The following UBE2V2 variants were observed in gnomAD, a reference collection of about 807,000 sequenced individuals.
The protein encoded by UBE2V2 is ubiquitin conjugating enzyme E2 V2.
A neutral mutation model predicts 17.2 loss-of-function variants in UBE2V2; 9 were observed. The ratio of observed to expected loss-of-function variants is 0.52; its 90% CI spans 0.32 to 0.91. The LOEUF is 0.91. Among genes scored for constraint, UBE2V2 ranks in the 40% least tolerant of loss-of-function variants. UBE2V2 has a pLI of 0.04. For missense variants in UBE2V2, 133 were observed against 182.6 expected (o/e 0.73, Z 1.56); for synonymous variants, 61 against 57.5 (o/e 1.06, Z -0.28).
Position 48,060,675 on chromosome 8 carries a change from CT to C in UBE2V2, c.292-4del. 1.4e-6 allele frequency: 2 copies of C among 1,478,402 alleles called. No homozygotes were observed. Among genetic ancestry groups the C allele is most frequent in the Non-Finnish European group, 9.0e-7 (1 of 1,114,496 alleles). 91.6% of individuals were successfully genotyped at this position (1,478,402 alleles called of 1,614,324 possible). On this transcript the variant is annotated splice_region_variant and splice_polypyrimidine_tract_variant and intron_variant, in intron 3 of 3. Coordinates refer to ENST00000523111, the MANE Select transcript of UBE2V2 (RefSeq NM_003350.3). ...CTAGTTAACTGTACTCTTTCCTCCC[CT>C]TTCAGGTGGATGCCCGGAGCATACC...
chr8:48,038,071 A>G (rs1466084598), intron 1 of UBE2V2, among the ~76,000 whole-genome samples: 1 of 151,706 alleles, frequency 6.6e-6, no homozygotes, highest in Non-Finnish European at 1.5e-5. Context: ...TGTCCTCCCC[A>G]CGCCTTTTTT....
chr8:48,050,840 T>G lies in UBE2V2; in HGVS notation c.291+862T>G, dbSNP rs1012696504. Among the ~76,000 whole-genome samples the G allele has an allele frequency of 9.2e-4, 140 of 152,134 alleles. 7 individuals are homozygous for G. The highest frequency in any genetic ancestry group is 7.4e-5 in the Non-Finnish European group (5 of 68,024). On this transcript the variant is annotated intron_variant, in intron 3 of 3. Transcript: ENST00000523111. ...TTTTTCTTTAAAGAGCAAATATGTC[T>G]GTGTTGAAACAGTCATGGCTGAGCA...
chr8:47,998,498 G>C, the UBE2V2 span, among the ~76,000 whole-genome samples: 1 of 151,970 alleles, frequency 6.6e-6, no homozygotes, highest in Non-Finnish European at 1.5e-5. Flanking sequence ...TGGAAACTGA[G>C]AGACAGGCGG....
chr8:48,034,401 A>C (rs995230515), intron 1 of UBE2V2, among the ~76,000 whole-genome samples: 1 of 152,208 alleles, frequency 6.6e-6, no homozygotes, highest in African/African-American at 2.4e-5. Flanking sequence ...CTGGGATTAC[A>C]GGCGTGAGCC....
intron 1 of UBE2V2, among the ~76,000 whole-genome samples, chr8:48,031,892 C>T (rs985703080): frequency 1.4e-4 from 22 of 152,110 alleles, no homozygotes; most frequent in South Asian, 1.0e-3. Flanking sequence ...ATGATCCACC[C>T]GCCTTGGCCT....
rs1179934700 is a variant in UBE2V2, at chr8:48,014,644, CAAA to C, written c.16+6192_16+6194del. Among the ~76,000 whole-genome samples the C allele has an allele frequency of 6.5e-4, 47 of 72,076 alleles. 1 individual carries two copies. The highest frequency in any genetic ancestry group is 1.0e-3 in the African/African-American group (18 of 17,906). The allele number at this position is 72,076 out of a possible 152,430, so 47.3% of individuals were successfully genotyped here. A position where few individuals can be genotyped will look rare whatever the true frequency, so the allele number is the denominator to read the frequency against. ...TGGGCAACAGAGAGAGACTCTGCCT[CAAA>C]AAAAAAAAAAAAAAAAATGTGCAGG... On this transcript the variant is annotated intron_variant, in intron 1 of 3. Coordinates refer to ENST00000523111, the MANE Select transcript of UBE2V2 (RefSeq NM_003350.3).
At chr8:48,020,038 C>G (rs886789634) in intron 1 of UBE2V2, among the ~76,000 whole-genome samples, 1 of 151,580 alleles carries the variant, frequency 6.6e-6, no homozygotes, top group African/African-American at 2.4e-5. Context: ...TTCTCTCTCT[C>G]TGTCTCTCTT....
In UBE2V2 at chr8:48,057,897, A is replaced by G. The variant is rs549562638; in HGVS notation, c.292-2785A>G. On this transcript the variant is annotated intron_variant, in intron 3 of 3. Coordinates refer to ENST00000523111, the MANE Select transcript of UBE2V2 (RefSeq NM_003350.3). ...TTTAGTGGATTCCTTTGAATTGTCT[A>G]TATACCAGATCATTTCTTGTATTTC... 4.6e-5 allele frequency among the ~76,000 whole-genome samples: 7 copies of G among 152,306 alleles called. No homozygotes were observed. In the South Asian group the frequency reaches 1.2e-3, roughly 27 times the overall value.
chr8:48,055,664 T>C (rs986746966), intron 3 of UBE2V2, among the ~76,000 whole-genome samples: 2 of 152,116 alleles, frequency 1.3e-5, no homozygotes, highest in Non-Finnish European at 2.9e-5. Flanking sequence ...ATGACCCAGG[T>C]TTGGAACATT....
At chr8:48,036,581 G>A (rs930663199) in intron 1 of UBE2V2, among the ~76,000 whole-genome samples, 3 of 151,460 alleles carry the variant, frequency 2.0e-5, no homozygotes, top group Non-Finnish European at 4.4e-5. Context: ...TTACAGGCAC[G>A]CACCACCACG....
intron 3 of UBE2V2, among the ~76,000 whole-genome samples, chr8:48,051,778 C>G (rs2091540530): frequency 6.6e-6 from 1 of 152,116 alleles, no homozygotes; most frequent in South Asian, 2.1e-4. Context: ...GCTGGTGCAT[C>G]CAGCAGGGAG....
chr8:48,022,474 G>A (rs1240069208), intron 1 of UBE2V2, among the ~76,000 whole-genome samples: 2 of 152,062 alleles, frequency 1.3e-5, no homozygotes, highest in Non-Finnish European at 2.9e-5. Flanking sequence ...ACAAATTATT[G>A]TAGTTACTTT....
chr8:48,006,285 G>T (rs2091182383), upstream of UBE2V2, among the ~76,000 whole-genome samples: 3 of 152,102 alleles, frequency 2.0e-5, no homozygotes, highest in African/African-American at 4.8e-5. Flanking sequence ...TTTCCCCATT[G>T]CTTGTTTTTG....
Position 48,043,364 on chromosome 8 carries a change from G to A in UBE2V2, c.165+183G>A, listed in dbSNP as rs568994851. ...TAATGCTCGATTACGTAGAGGATTG[G>A]GGGGAGGAAGGTTGATATGGTCATT... is the stretch of plus-strand genomic sequence containing the variant. On this transcript the variant is annotated intron_variant, in intron 2 of 3. Transcript: ENST00000523111. 4 of 453,436 alleles carry A rather than the reference G, an allele frequency of 8.8e-6. No homozygotes were observed. In the East Asian group the frequency reaches 1.1e-4, roughly 13 times the overall value. 28.1% of individuals were successfully genotyped at this position (453,436 alleles called of 1,614,324 possible).
Position 48,060,892 on chromosome 8 carries a change from A to C in UBE2V2, c.*64A>C, listed in dbSNP as rs1450143340. Reference sequence around the variant, plus strand: ...TCTACTCATGTTAATGTCTTGATTAAATATCACAATGCAAAATACACATTA... The same window carrying C: ...TCTACTCATGTTAATGTCTTGATTACATATCACAATGCAAAATACACATTA... On this transcript the variant is annotated 3_prime_UTR_variant, in exon 4 of 4. Coordinates refer to ENST00000523111, the MANE Select transcript of UBE2V2 (RefSeq NM_003350.3). 4.5e-6 allele frequency: 6 copies of C among 1,345,574 alleles called. No homozygotes were observed. The highest frequency in any genetic ancestry group is 5.8e-6 in the Non-Finnish European group (6 of 1,032,882). 83.4% of individuals were successfully genotyped at this position (1,345,574 alleles called of 1,614,324 possible). A position where few individuals can be genotyped will look rare whatever the true frequency, so the allele number is the denominator to read the frequency against.
chr8:48,052,690 TAA>T (rs1240637173), intron 3 of UBE2V2, among the ~76,000 whole-genome samples: 1 of 152,222 alleles, frequency 6.6e-6, no homozygotes, highest in East Asian at 1.9e-4. Flanking sequence ...GGGATCCTCC[TAA>T]GAGACAAATT....
chr8:48,016,346 A>G (rs1030922317), intron 1 of UBE2V2, among the ~76,000 whole-genome samples: 1 of 152,198 alleles, frequency 6.6e-6, no homozygotes, highest in Non-Finnish European at 1.5e-5. Context: ...TTACTGGATC[A>G]TACGGTAGCT....
rs1051957722 is a variant in UBE2V2, at chr8:48,061,735, T to C, written c.*907T>C. ...AGACTATTTCAGAAAAGAAATTATC[T>C]AGTTTAATTTCTTCTTTGGACAAGG... On this transcript the variant is annotated 3_prime_UTR_variant, in exon 4 of 4. Coordinates refer to ENST00000523111, the MANE Select transcript of UBE2V2 (RefSeq NM_003350.3). The C allele has an allele frequency of 6.6e-6, 1 of 152,306 alleles. No individual in the cohort carries two copies. Among genetic ancestry groups the C allele is most frequent in the Non-Finnish European group, 1.5e-5 (1 of 68,020 alleles). The allele number at this position is 152,306 out of a possible 1,614,324, so 9.4% of individuals were successfully genotyped here.
the UBE2V2 span, among the ~76,000 whole-genome samples, chr8:47,999,554 G>C: frequency 1.3e-5 from 2 of 151,902 alleles, no homozygotes; most frequent in African/African-American, 4.8e-5. Context: ...TAGAGACGGG[G>C]TTTCACCATG....
Sources: gnomAD v4.1 joint callset for allele counts (sites outside exome capture counted in the v4.1 genomes callset) on GRCh38, gnomAD v4.1.1 for gene constraint, MANE v1.5 for transcripts, NCBI Gene and HGNC (gene_info 2026-07-23, HGNC 2026-07-21) for gene names.